DLG2: variants seen among roughly 807,000 people sequenced by gnomAD.
DLG2 encodes the protein discs large MAGUK scaffold protein 2.
A neutral mutation model predicts 132.5 loss-of-function variants in DLG2; 45 were observed. The observed-to-expected ratio is 0.34, with a 90% CI of 0.27 to 0.44. The LOEUF (loss-of-function observed/expected upper bound fraction) is 0.44, where lower values mean the gene tolerates loss of function less well. Among genes scored for constraint, DLG2 ranks in the 20% least tolerant of loss-of-function variants. The pLI is 1.00. For missense variants in DLG2, 1,045 were observed against 1,196.9 expected (o/e 0.87, Z 1.87); for synonymous variants, 424 against 419.6 (o/e 1.01, Z -0.13).
intron 4 of DLG2, among the ~76,000 whole-genome samples, chr11:85,276,588 T>C (rs1364921844): frequency 6.6e-6 from 1 of 152,120 alleles, no homozygotes; most frequent in Non-Finnish European, 1.5e-5. Flanking sequence ...ATTTGAAGGA[T>C]AGGGTGAGCT....
intron 18 of DLG2, among the ~76,000 whole-genome samples, chr11:83,662,182 G>T (rs745976938): frequency 2.6e-5 from 4 of 152,098 alleles, no homozygotes; most frequent in African/African-American, 9.7e-5. Context: ...CCCACAGCTT[G>T]GAATAATGAC....
At chr11:85,229,688 C>T (rs974443245) in intron 4 of DLG2, among the ~76,000 whole-genome samples, 1 of 152,106 alleles carries the variant, frequency 6.6e-6, no homozygotes, top group African/African-American at 2.4e-5. Flanking sequence ...GACACATGCA[C>T]ACATATGTTT....
chr11:84,085,203 T>C (rs1343952808), intron 10 of DLG2, among the ~76,000 whole-genome samples: 1 of 152,196 alleles, frequency 6.6e-6, no homozygotes, highest in Non-Finnish European at 1.5e-5. Flanking sequence ...TTCTTGAAAA[T>C]ATTTAAGATT....
chr11:84,252,387 A>AC (rs1411494468), intron 7 of DLG2, among the ~76,000 whole-genome samples: 1 of 151,650 alleles, frequency 6.6e-6, no homozygotes, highest in Non-Finnish European at 1.5e-5. Flanking sequence ...TGACCTCGTG[A>AC]TTCGCCCGCC....
chr11:84,380,671 AG>A (rs1486391093), intron 7 of DLG2, among the ~76,000 whole-genome samples: 1 of 151,956 alleles, frequency 6.6e-6, no homozygotes, highest in Non-Finnish European at 1.5e-5. Flanking sequence ...GTAAGATGTT[AG>A]GGGGAAAAAA....
At chr11:83,569,372 G>C (rs1416376390) in intron 19 of DLG2, among the ~76,000 whole-genome samples, 3 of 152,234 alleles carry the variant, frequency 2.0e-5, no homozygotes, top group African/African-American at 7.2e-5. Flanking sequence ...AATGGAAACA[G>C]TACAGATCAA....
intron 11 of DLG2, among the ~76,000 whole-genome samples, chr11:84,003,275 C>A (rs1160318490): frequency 6.6e-6 from 1 of 152,182 alleles, no homozygotes; most frequent in South Asian, 2.1e-4. Context: ...CTCACATCTT[C>A]CTGTCTTCTT....
intron 6 of DLG2, among the ~76,000 whole-genome samples, chr11:84,839,414 C>T (rs529796153): frequency 6.6e-6 from 1 of 152,098 alleles, no homozygotes; most frequent in Non-Finnish European, 1.5e-5. Context: ...AATGGCCATA[C>T]TTCCCAAGGT....
At chr11:83,922,348 T>C (rs2078114284) in intron 15 of DLG2, among the ~76,000 whole-genome samples, 1 of 152,080 alleles carries the variant, frequency 6.6e-6, no homozygotes, top group Admixed American at 6.6e-5. Context: ...AATTAATCTC[T>C]CCTTATTTTC....
At chr11:84,590,828 T>A (rs1216163434) in intron 6 of DLG2, among the ~76,000 whole-genome samples, 1 of 152,112 alleles carries the variant, frequency 6.6e-6, no homozygotes, top group African/African-American at 2.4e-5. Context: ...ATATACTGAT[T>A]AACCAAATAA....
chr11:84,505,008 G>A (rs928310438), intron 7 of DLG2, among the ~76,000 whole-genome samples: 2 of 151,880 alleles, frequency 1.3e-5, no homozygotes, highest in Non-Finnish European at 1.5e-5. Context: ...ATTCTTTTAC[G>A]TCAAATTAGT....
intron 19 of DLG2, among the ~76,000 whole-genome samples, chr11:83,610,899 T>C (rs1441259209): frequency 6.6e-6 from 1 of 152,126 alleles, no homozygotes; most frequent in Non-Finnish European, 1.5e-5. Flanking sequence ...AGAAACAAAT[T>C]AAAACCCACA....
intron 8 of DLG2, among the ~76,000 whole-genome samples, chr11:84,175,292 G>A (rs889199694): frequency 3.3e-5 from 5 of 152,008 alleles, no homozygotes; most frequent in South Asian, 2.1e-4. Flanking sequence ...CCTCTTGCTC[G>A]GATGGGGAAC....
chr11:84,923,603 T>G (rs1001215830), intron 6 of DLG2: 2 of 990,978 alleles, frequency 2.0e-6, no homozygotes, highest in Non-Finnish European at 2.4e-6. Context: ...GAGGAAACCC[T>G]TCTTCCTTTG....
At chr11:84,372,102 C>A (rs1182850918) in intron 7 of DLG2, among the ~76,000 whole-genome samples, 2 of 152,048 alleles carry the variant, frequency 1.3e-5, no homozygotes, top group African/African-American at 4.8e-5. Context: ...TGAAGACATA[C>A]CAAACAGTAT....
At chr11:84,644,073 T>C (rs1404820467) in intron 6 of DLG2, among the ~76,000 whole-genome samples, 3 of 152,120 alleles carry the variant, frequency 2.0e-5, no homozygotes, top group Non-Finnish European at 2.9e-5. Context: ...TTTCTAAATG[T>C]TTATTTTTTG....
chr11:84,436,989 C>G (rs947534664), intron 7 of DLG2, among the ~76,000 whole-genome samples: 1 of 152,128 alleles, frequency 6.6e-6, no homozygotes, highest in African/African-American at 2.4e-5. Context: ...GTATTTATAA[C>G]GCCCACTTCA....
At chr11:85,498,256 CA>C (rs552820868) in intron 3 of DLG2, among the ~76,000 whole-genome samples, 10 of 150,846 alleles carry the variant, frequency 6.6e-5, no homozygotes, top group Admixed American at 3.3e-4. Context: ...AAATGGAAAG[CA>C]AAAAAAAGCA....
At chr11:84,213,951 T>C (rs2154315119) in intron 8 of DLG2, among the ~76,000 whole-genome samples, 1 of 151,106 alleles carries the variant, frequency 6.6e-6, no homozygotes, top group African/African-American at 2.4e-5. Flanking sequence ...CCAAGAACCA[T>C]ATCATTTTAT....
Sources: gnomAD v4.1 joint callset for allele counts (sites outside exome capture counted in the v4.1 genomes callset) on GRCh38, gnomAD v4.1.1 for gene constraint, MANE v1.5 for transcripts, NCBI Gene and HGNC (gene_info 2026-07-23, HGNC 2026-07-21) for gene names.